ATRNL1: variants seen among roughly 807,000 people sequenced by gnomAD.
ATRNL1 encodes attractin-like protein 1.
A neutral mutation model predicts 182.7 loss-of-function variants in ATRNL1; 95 were observed. The observed-to-expected ratio is 0.52, with a 90% CI of 0.44 to 0.62. ATRNL1 has a LOEUF of 0.62. ATRNL1 is among the 20% of genes least tolerant of loss of function. The pLI, the probability that ATRNL1 is intolerant of heterozygous loss-of-function variation, is 0.00. For missense variants in ATRNL1, 1,471 were observed against 1,679.5 expected, an observed-to-expected ratio of 0.88 and a Z score of 2.17; for synonymous variants, 576 against 568.3, an observed-to-expected ratio of 1.01 and a Z score of -0.19.
intron 5 of ATRNL1, among the ~76,000 whole-genome samples, chr10:115,138,462 G>A (rs1030292754): frequency 2.2e-4 from 33 of 152,318 alleles, no homozygotes; most frequent in Admixed American, 7.2e-4. Flanking sequence ...TACATCCTCC[G>A]AAATCTAGGT....
intron 1 of ATRNL1, among the ~76,000 whole-genome samples, chr10:115,118,589 A>G (rs113658451): frequency 6.6e-6 from 1 of 152,102 alleles, no homozygotes. Flanking sequence ...ATAGCAAGTC[A>G]TTATGTCCCA....
intron 5 of ATRNL1, among the ~76,000 whole-genome samples, chr10:115,139,193 A>G (rs1554877399): frequency 6.6e-6 from 1 of 152,216 alleles, no homozygotes; most frequent in Non-Finnish European, 1.5e-5. Flanking sequence ...ACAAGTCTCT[A>G]GGGAGTCCAC....
chr10:115,786,790 T>C (rs1949406904), intron 27 of ATRNL1, among the ~76,000 whole-genome samples: 1 of 152,202 alleles, frequency 6.6e-6, no homozygotes, highest in Non-Finnish European at 1.5e-5. Context: ...TAAGTTGCTA[T>C]GGTGATAGTT....
At chr10:115,862,396 C>T (rs530181319) in intron 28 of ATRNL1, among the ~76,000 whole-genome samples, 1 of 152,278 alleles carries the variant, frequency 6.6e-6, no homozygotes, top group East Asian at 1.9e-4. Flanking sequence ...TCTTAGGTGA[C>T]TTATAGTCTT....
At chr10:115,222,011 T>A (rs1193906198) in intron 9 of ATRNL1, among the ~76,000 whole-genome samples, 1 of 152,000 alleles carries the variant, frequency 6.6e-6, no homozygotes, top group African/African-American at 2.4e-5. Context: ...GTTAGAAACA[T>A]ACATATAGGA....
Position 115,265,348 on chromosome 10 carries a change from T to C in ATRNL1, c.1772+71T>C. On this transcript the variant is annotated intron_variant, in intron 11 of 28. Coordinates refer to ENST00000355044, the MANE Select transcript of ATRNL1 (RefSeq NM_207303.4). The stretch of plus-strand genomic sequence containing the variant: ...TCATACTATCCTCATATTCTGGTAT[T>C]CTTTTTGAAAATTATCATTGGTACT... 4 of 965,972 alleles carry C rather than the reference T, an allele frequency of 4.1e-6. 1 individual carries two copies. The highest frequency in any genetic ancestry group is 6.2e-6 in the Non-Finnish European group (4 of 640,866). The allele number at this position is 965,972 out of a possible 1,614,324, so 59.8% of individuals were successfully genotyped here.
At chr10:115,134,898 C>T (rs975894479) in intron 5 of ATRNL1, among the ~76,000 whole-genome samples, 23 of 152,100 alleles carry the variant, frequency 1.5e-4, no homozygotes, top group Admixed American at 5.2e-4. Flanking sequence ...AATCAATAAG[C>T]GTAATCCAGC....
intron 27 of ATRNL1, among the ~76,000 whole-genome samples, chr10:115,747,301 T>G (rs1948320643): frequency 6.6e-6 from 1 of 152,114 alleles, no homozygotes; most frequent in Admixed American, 6.6e-5. Context: ...CACCTTCCAA[T>G]TCTGCATTCC....
chr10:115,199,827 A>C (rs1848493895), intron 8 of ATRNL1, among the ~76,000 whole-genome samples: 1 of 152,190 alleles, frequency 6.6e-6, no homozygotes, highest in South Asian at 2.1e-4. Flanking sequence ...GGACTAAAAC[A>C]TGAGAAAGAA....
chr10:115,275,072 T>C lies in ATRNL1; in HGVS notation c.2101-6283T>C, dbSNP rs141011298. On this transcript the variant is annotated intron_variant, in intron 13 of 28. Coordinates refer to ENST00000355044, the MANE Select transcript of ATRNL1 (RefSeq NM_207303.4). The stretch of plus-strand genomic sequence containing the variant: ...CCAGGAATGGAGTATTGCTTTTGGC[T>C]TACCATTTTTCTACATAGAGGCTGT... 3.2e-4 allele frequency among the ~76,000 whole-genome samples: 48 copies of C among 152,332 alleles called. 2 individuals are homozygous for C. The East Asian group carries it at 8.7e-3, about 28-fold the overall frequency.
chr10:115,765,096 C>A lies in ATRNL1; in HGVS notation c.3903+37741C>A, dbSNP rs189981551. 1.4e-4 allele frequency among the ~76,000 whole-genome samples: 21 copies of A among 152,192 alleles called. No homozygotes were observed. In the East Asian group the frequency reaches 3.9e-3, roughly 28 times the overall value. Reference sequence around the variant, plus strand: ...CTACTGAAGGGAGTCTTGGTTGCTTCCAAGTTTTGACAATTATGAATTATG... The same window carrying A: ...CTACTGAAGGGAGTCTTGGTTGCTTACAAGTTTTGACAATTATGAATTATG... On this transcript the variant is annotated intron_variant, in intron 27 of 28. Transcript: ENST00000355044.
chr10:115,830,432 A>G (rs1013726254), intron 27 of ATRNL1, among the ~76,000 whole-genome samples: 1 of 152,130 alleles, frequency 6.6e-6, no homozygotes, highest in African/African-American at 2.4e-5. Context: ...CACATAGGCC[A>G]TGCTCAATAA....
intron 20 of ATRNL1, among the ~76,000 whole-genome samples, chr10:115,396,576 C>A (rs1554955663): frequency 6.6e-6 from 1 of 151,846 alleles, no homozygotes; most frequent in Admixed American, 6.6e-5. Context: ...TCTTGATTAA[C>A]TTCTATTAAA....
chr10:115,469,371 T>G, intron 24 of ATRNL1, 42 bp downstream of exon 24: 1 of 1,288,726 alleles, frequency 7.8e-7, no homozygotes, highest in Non-Finnish European at 1.0e-6. Flanking sequence ...CATAATATCA[T>G]TAAGAAAAGA....
intron 8 of ATRNL1, among the ~76,000 whole-genome samples, chr10:115,189,826 C>G (rs534560462): frequency 6.6e-6 from 1 of 152,064 alleles, no homozygotes; most frequent in South Asian, 2.1e-4. Flanking sequence ...TGTCCTAGGC[C>G]TTCACATTCA....
intron 28 of ATRNL1, among the ~76,000 whole-genome samples, chr10:115,854,245 A>C (rs1319611393): frequency 6.6e-6 from 1 of 152,246 alleles, no homozygotes; most frequent in Non-Finnish European, 1.5e-5. Context: ...AAACATAGTC[A>C]TTAAAATGCC....
intron 21 of ATRNL1, among the ~76,000 whole-genome samples, chr10:115,455,184 A>G (rs1045172460): frequency 1.3e-5 from 2 of 152,156 alleles, no homozygotes; most frequent in Admixed American, 6.6e-5. Context: ...AATGTAGTGT[A>G]TCACATTTAT....
chr10:115,175,363 A>C (rs10885665), intron 8 of ATRNL1, among the ~76,000 whole-genome samples: 3,782 of 152,122 alleles, frequency 0.025, 156 homozygotes, highest in African/African-American at 0.086. Context: ...CTGATATATT[A>C]ATCTCCTGGT....
At chr10:115,852,282 T>C (rs192452974) in intron 28 of ATRNL1, among the ~76,000 whole-genome samples, 40 of 152,320 alleles carry the variant, frequency 2.6e-4, no homozygotes, top group Admixed American at 9.2e-4. Context: ...AATTCTGAAG[T>C]TTTCTACGTT....
Sources: allele counts gnomAD v4.1 joint callset (sites outside exome capture counted in the v4.1 genomes callset), GRCh38; gene constraint gnomAD v4.1.1; transcripts MANE v1.5; gene names NCBI Gene and HGNC (gene_info 2026-07-23, HGNC 2026-07-21).